Variants in RINL observed in about 807,000 individuals in gnomAD.
The protein encoded by RINL is ras and Rab interactor-like protein.
Under a neutral mutation model 58.1 loss-of-function variants are expected in RINL, and 39 were observed. That is an observed-to-expected ratio of 0.67 (90% CI 0.52 to 0.88). The LOEUF is 0.88. RINL is among the 40% of genes least tolerant of loss of function. The pLI, the probability that RINL is intolerant of heterozygous loss-of-function variation, is 0.00. For missense variants in RINL, 711 were observed against 749.2 expected, an observed-to-expected ratio of 0.95 and a Z score of 0.60; for synonymous variants, 286 against 323.1, an observed-to-expected ratio of 0.89 and a Z score of 1.23.
At chr19:38,871,271 A>T (rs375254065) in intron 6 of RINL, 44 bp from the exon 7 acceptor site, 2 of 1,610,934 alleles carry the variant, frequency 1.2e-6, no homozygotes, top group African/African-American at 2.7e-5. Flanking sequence ...TATCCAAGGG[A>T]CCAACCCTGG....
rs1233180431 is a variant in RINL, at chr19:38,868,686, C to G, written c.*418G>C. On this transcript the variant is annotated 3_prime_UTR_variant, in exon 12 of 12. Transcript: ENST00000591812. ...AGCAAGATGCCAGACGTACCTGGGT[C>G]AGTCCAGACTCCTGACCTATGTGGT... The G allele has an allele frequency of 6.3e-6, 1 of 157,680 alleles. No individual in the cohort carries two copies. Among genetic ancestry groups the G allele is most frequent in the East Asian group, 1.9e-4 (1 of 5,378 alleles). The allele number at this position is 157,680 out of a possible 1,614,324, so 9.8% of individuals were successfully genotyped here.
In RINL at chr19:38,871,634, A is replaced by AG; in HGVS notation, c.451+12_451+13insC. The AG allele has an allele frequency of 6.2e-7, 1 of 1,612,466 alleles. No homozygotes were observed. Among genetic ancestry groups the AG allele is most frequent in the Non-Finnish European group, 8.5e-7 (1 of 1,179,254 alleles). On this transcript the variant is annotated intron_variant, in intron 6 of 11. Coordinates refer to ENST00000591812, the MANE Select transcript of RINL (RefSeq NM_001195833.2). Reference sequence around the variant, plus strand: ...CAGGTTGGCTGTGCCCTCTTTAGAGAACCGTGCCTCACCTGTGTGTTCATC... The same window carrying AG: ...CAGGTTGGCTGTGCCCTCTTTAGAGAGACCGTGCCTCACCTGTGTGTTCATC...
rs73930219 is a variant in RINL at position 38,871,637 on chromosome 19, C to G, written c.451+10G>C. 10 of 1,612,478 alleles carry G rather than the reference C, an allele frequency of 6.2e-6. 1 individual carries two copies. In the South Asian group the frequency reaches 9.9e-5, roughly 16 times the overall value. ...GTTGGCTGTGCCCTCTTTAGAGAAC[C>G]GTGCCTCACCTGTGTGTTCATCTCT... On this transcript the variant is annotated intron_variant, in intron 6 of 11. Transcript: ENST00000591812.
intron 7 of RINL, 40 bp downstream of exon 7, chr19:38,871,038 C>T: frequency 6.3e-7 from 1 of 1,578,642 alleles, no homozygotes; most frequent in Non-Finnish European, 8.6e-7. Context: ...GGGGCAGCAG[C>T]TCCCTCCCCT....
In RINL at chr19:38,873,874, G is replaced by A. The variant is rs777261746; in HGVS notation, c.313+12C>T. The A allele has an allele frequency of 7.4e-6, 11 of 1,484,146 alleles. No individual in the cohort carries two copies. Among genetic ancestry groups the A allele is most frequent in the Non-Finnish European group, 1.0e-5 (11 of 1,099,632 alleles). 91.9% of individuals were successfully genotyped at this position (1,484,146 alleles called of 1,614,324 possible). On this transcript the variant is annotated intron_variant, in intron 4 of 11. Coordinates refer to ENST00000591812, the MANE Select transcript of RINL (RefSeq NM_001195833.2). ...TTGACTGTGGGCTGGAACCTCAGGG[G>A]AGGTGCCTTACCTCTGGGAATCTTC...
chr19:38,869,000 T>C lies in RINL; in HGVS notation c.*104A>G. The C allele has an allele frequency of 1.1e-6, 1 of 924,004 alleles. No individual in the cohort carries two copies. The highest frequency in any genetic ancestry group is 1.6e-6 in the Non-Finnish European group (1 of 635,138). 57.2% of individuals were successfully genotyped at this position (924,004 alleles called of 1,614,324 possible). A position where few individuals can be genotyped will look rare whatever the true frequency, so the allele number is the denominator to read the frequency against. On this transcript the variant is annotated 3_prime_UTR_variant, in exon 12 of 12. Coordinates refer to ENST00000591812, the MANE Select transcript of RINL (RefSeq NM_001195833.2). ...TTTTTTTGGTAGATGGGGGTCCCAC[T>C]GTTTTGCCCAGGCTGGTCTCAAACT... is the stretch of plus-strand genomic sequence containing the variant.
At chr19:38,875,206 T>C (rs1179192048) in intron 3 of RINL, among the ~76,000 whole-genome samples, 2 of 149,192 alleles carry the variant, frequency 1.3e-5, no homozygotes, top group African/African-American at 4.9e-5. Flanking sequence ...CTTTTTTTTT[T>C]CTTTTTTCTT....
rs1181159083 is a variant in RINL at position 38,869,692 on chromosome 19, GC to G, written c.1354del (p.Ala452ProfsTer8). On this transcript the variant is annotated frameshift_variant, in exon 10 of 12. Transcript: ENST00000591812. LOFTEE classifies it high-confidence loss of function. The surrounding 1 kb of genome is among the most constrained non-coding windows in gnomAD (Gnocchi z 5.7). ...GGTCAGCGCCGGCAGGAAGGCGTCGGCCCCCAGGGGATCTGGGAAAACCAGA... is the reference window on the plus strand; with the variant it reads ...GGTCAGCGCCGGCAGGAAGGCGTCGGCCCCAGGGGATCTGGGAAAACCAGA... Reference protein sequence around the residue: ...ARGENQDPLGADAFLPALTEE... With the variant: ...ARGENQDPLGXDAFLPALTEE... 3.1e-6 allele frequency: 5 copies of G among 1,613,740 alleles called. No homozygotes were observed. The South Asian group carries it at 5.5e-5, about 18-fold the overall frequency.
chr19:38,870,103 C>G lies in RINL; in HGVS notation c.1182G>C (p.Gly394=). The G allele has an allele frequency of 2.8e-6, 4 of 1,445,572 alleles. No homozygotes were observed. The highest frequency in any genetic ancestry group is 3.6e-6 in the Non-Finnish European group (4 of 1,109,174). The allele number at this position is 1,445,572 out of a possible 1,614,324, so 89.5% of individuals were successfully genotyped here. A position where few individuals can be genotyped will look rare whatever the true frequency, so the allele number is the denominator to read the frequency against. Residue 394 remains glycine (G), a synonymous_variant, in exon 9 of 12, where the codon GGG becomes GGC. Transcript: ENST00000591812. This position sits in a 1 kb window ranked among gnomAD's most constrained non-coding sequence, Gnocchi z 5.8. The stretch of plus-strand genomic sequence containing the variant: ...CGGGGCTCTGCCCTTCCGGTCCCGG[C>G]CCCTGTGCCCCCGGAGGCCCCGCCC... ...RAGAGPPGAQ[G]PGPEGQSPAP... is the part of the protein sequence containing the mutation.
In RINL at chr19:38,876,698, C is replaced by T; in HGVS notation, c.45G>A (p.Gly15=). The part of the protein sequence containing the change: ...EDKAPEVPTE[G]VRLVPPQVNK... ...CTCAGCCCTAGTAGCCTCACCTCAC[C>T]CCCTCTGTGGGGACTTCAGGTGCCT... The change falls in exon 2 of 12, where the codon GGG becomes GGA. Residue 15 remains glycine (G), a synonymous_variant. Transcript: ENST00000591812. 2 of 1,536,076 alleles carry T rather than the reference C, an allele frequency of 1.3e-6. No homozygotes were observed. Among genetic ancestry groups the T allele is most frequent in the East Asian group, 2.4e-5 (1 of 40,914 alleles).
chr19:38,877,805 T>TCCC (rs1972972591), intron 1 of RINL, among the ~76,000 whole-genome samples: 3 of 144,112 alleles, frequency 2.1e-5, no homozygotes, highest in African/African-American at 5.0e-5. Flanking sequence ...CCTCCCTCCC[T>TCCC]TCCTTCCTTC....
chr19:38,874,295 C>T (rs1268950170), intron 3 of RINL, among the ~76,000 whole-genome samples: 4 of 151,244 alleles, frequency 2.6e-5, no homozygotes, highest in East Asian at 1.9e-4. Flanking sequence ...TTTTTTGAGA[C>T]GGAGTCTTGC....
intron 3 of RINL, among the ~76,000 whole-genome samples, chr19:38,874,996 G>A (rs914680594): frequency 2.6e-5 from 4 of 151,754 alleles, no homozygotes; most frequent in African/African-American, 9.7e-5. Context: ...TTAGCCGGGT[G>A]TAATGGCGGG....
chr19:38,870,800 G>C lies in RINL; in HGVS notation c.794C>G (p.Ser265Cys). The stretch of plus-strand genomic sequence containing the variant: ...GTAGCTGCTCCGGGCCCTGACCAGA[G>C]ACTGGACGTGAATGGTGAGCACGTC... ...PEDVLTIHVQSLVRARSSYVA... is the reference protein window; with the variant it reads ...PEDVLTIHVQCLVRARSSYVA... Residue 265 changes from serine to cysteine, a missense_variant, in exon 8 of 12, where the codon TCT becomes TGT. Ser to Cys is a moderately radical substitution (Grantham distance 112). Transcript: ENST00000591812. This position sits in a 1 kb window ranked among gnomAD's most constrained non-coding sequence, Gnocchi z 5.8. The C allele has an allele frequency of 6.8e-6, 11 of 1,612,114 alleles. No individual in the cohort carries two copies. Among genetic ancestry groups the C allele is most frequent in the Non-Finnish European group, 8.5e-6 (10 of 1,180,008 alleles).
chr19:38,873,348 AAGG>A (rs1172750121), intron 4 of RINL, among the ~76,000 whole-genome samples: 1 of 152,170 alleles, frequency 6.6e-6, no homozygotes, highest in Non-Finnish European at 1.5e-5. Context: ...AGATCATGAC[AAGG>A]AGTTTACATT....
At position 38,871,731 on chromosome 19, in the gene RINL, A is replaced by T; in HGVS notation, c.387-20T>A. On this transcript the variant is annotated intron_variant, in intron 5 of 11. Coordinates refer to ENST00000591812, the MANE Select transcript of RINL (RefSeq NM_001195833.2). ...ACATCCCTGAGAATAAAGAGGTGGG[A>T]GCCACAGTGTCAGTGGGGTGTCTTA... is the stretch of plus-strand genomic sequence containing the variant. 1 of 1,613,976 alleles carries T rather than the reference A, an allele frequency of 6.2e-7. No individual in the cohort carries two copies. The highest frequency in any genetic ancestry group is 8.5e-7 in the Non-Finnish European group (1 of 1,179,920).
rs1213297622 is a variant in RINL, at chr19:38,869,634, G to C, written c.1413C>G (p.Asp471Glu). The C allele has an allele frequency of 6.2e-7, 1 of 1,613,968 alleles. No individual in the cohort carries two copies. Among genetic ancestry groups the C allele is most frequent in the Non-Finnish European group, 8.5e-7 (1 of 1,179,992 alleles). ...TAAGAAACTCTACGTCCAGCTGCGT[G>C]TCCCCAATGTCCGGGCTCCAGATGA... ...EELIWSPDIG[D>E]TQLDVEFLME... Residue 471 changes from aspartate (D) to glutamate (E), a missense_variant, in exon 10 of 12, where the codon GAC becomes GAG. Coordinates refer to ENST00000591812, the MANE Select transcript of RINL (RefSeq NM_001195833.2). This position sits in a 1 kb window ranked among gnomAD's most constrained non-coding sequence, Gnocchi z 5.7.
At chr19:38,873,541 G>T (rs1972856323) in intron 4 of RINL, 1 of 179,520 alleles carries the variant, frequency 5.6e-6, no homozygotes, top group Non-Finnish European at 1.2e-5. Flanking sequence ...GTTTTGTTTT[G>T]TTTTGGCAGG....
In RINL at chr19:38,873,881, C is replaced by T. The variant is rs894813414; in HGVS notation, c.313+5G>A. On this transcript the variant is annotated splice_donor_5th_base_variant and intron_variant, in intron 4 of 11. Transcript: ENST00000591812. The stretch of plus-strand genomic sequence containing the variant: ...TGGGCTGGAACCTCAGGGGAGGTGC[C>T]TTACCTCTGGGAATCTTCTGGATCT... The T allele has an allele frequency of 3.3e-6, 5 of 1,517,294 alleles. No homozygotes were observed. The highest frequency in any genetic ancestry group is 2.0e-5 in the Admixed American group (1 of 50,924). The allele number at this position is 1,517,294 out of a possible 1,614,324, so 94.0% of individuals were successfully genotyped here. A position where few individuals can be genotyped will look rare whatever the true frequency, so the allele number is the denominator to read the frequency against.
Sources: gnomAD v4.1 joint callset for allele counts (sites outside exome capture counted in the v4.1 genomes callset) on GRCh38, gnomAD v4.1.1 for gene constraint, Gnocchi (gnomAD v3.1) non-coding constraint, MANE v1.5 for transcripts, NCBI Gene and HGNC (gene_info 2026-07-23, HGNC 2026-07-21) for gene names.